NDUFA10: variants seen among roughly 807,000 people sequenced by gnomAD.
NDUFA10 encodes the protein NADH dehydrogenase [ubiquinone] 1 alpha subcomplex subunit 10, mitochondrial.
A neutral mutation model predicts 47.8 loss-of-function variants in NDUFA10; 40 were observed. The ratio of observed to expected loss-of-function variants is 0.84; its 90% CI spans 0.65 to 1.09. The LOEUF (loss-of-function observed/expected upper bound fraction) is 1.09, where lower values mean the gene tolerates loss of function less well. Ranked by LOEUF, NDUFA10 falls within the 50% of genes least tolerant of loss-of-function variation. The pLI, the probability that NDUFA10 is intolerant of heterozygous loss-of-function variation, is 0.00. For synonymous variants in NDUFA10, 183 were observed against 172.2 expected (o/e 1.06, Z -0.49); for missense variants, 413 against 451.1 (o/e 0.92, Z 0.76).
At chr2:240,011,277 C>T (rs1307587086) in intron 6 of NDUFA10, among the ~76,000 whole-genome samples, 5 of 152,178 alleles carry the variant, frequency 3.3e-5, no homozygotes, top group East Asian at 1.9e-4. Flanking sequence ...TAGGTAAACA[C>T]GAATGTTTAG....
At chr2:239,965,951 C>T (rs762970815) in intron 9 of NDUFA10, among the ~76,000 whole-genome samples, 1 of 152,168 alleles carries the variant, frequency 6.6e-6, no homozygotes, top group Non-Finnish European at 1.5e-5. Flanking sequence ...AAGTTTAACA[C>T]TTTCAGGAGG....
At chr2:239,923,845 A>G (rs1694026690) in intron 4 of NDUFA10, among the ~76,000 whole-genome samples, 1 of 152,172 alleles carries the variant, frequency 6.6e-6, no homozygotes, top group Non-Finnish European at 1.5e-5. Flanking sequence ...TAAAATTAAT[A>G]AACCTCTAGC....
Position 240,011,841 on chromosome 2 carries a change from A to G in NDUFA10, c.670-145T>C. On this transcript the variant is annotated intron_variant, in intron 5 of 9. Transcript: ENST00000252711. Reference sequence around the variant, plus strand: ...ACTGTGGGGACTGCGGGGTGACAGCAAAGGGTCCCAACATCAGCTAGAGTC... The same window carrying G: ...ACTGTGGGGACTGCGGGGTGACAGCGAAGGGTCCCAACATCAGCTAGAGTC... The G allele has an allele frequency of 4.2e-6, 3 of 720,880 alleles. No individual in the cohort carries two copies. The Admixed American group carries it at 6.0e-5, about 15-fold the overall frequency. 44.7% of individuals were successfully genotyped at this position (720,880 alleles called of 1,614,324 possible).
At chr2:239,920,049 C>A (rs892163531) in intron 4 of NDUFA10, among the ~76,000 whole-genome samples, 3 of 152,194 alleles carry the variant, frequency 2.0e-5, no homozygotes, top group Non-Finnish European at 2.9e-5. Flanking sequence ...TGCTTCCCCC[C>A]CATTCATATG....
rs142462351 is a variant in NDUFA10, at chr2:239,947,271, G to C, written c.294+42803C>G. On this transcript the variant is annotated intron_variant, in intron 4 of 5. Coordinates refer to the NDUFA10 transcript ENST00000419408. ...TGGGAATACCAAGAAGTCATACCAG[G>C]ACAGCCCTATACCAATGCAGGTGCC... Among the ~76,000 whole-genome samples the C allele has an allele frequency of 9.5e-4, 144 of 152,322 alleles. 1 individual carries two copies. In the South Asian group the frequency reaches 9.7e-3, roughly 10 times the overall value.
intron 4 of NDUFA10, among the ~76,000 whole-genome samples, chr2:239,913,150 A>T (rs556357383): frequency 4.6e-4 from 70 of 152,284 alleles, no homozygotes; most frequent in African/African-American, 1.6e-3. Flanking sequence ...TCCCTGAACC[A>T]TGCCCAGCCT....
At chr2:239,903,487 C>T (rs1255846402) in intron 4 of NDUFA10, among the ~76,000 whole-genome samples, 1 of 152,176 alleles carries the variant, frequency 6.6e-6, no homozygotes, top group Non-Finnish European at 1.5e-5. Context: ...GCTCCTGATG[C>T]TTCTGGAGTG....
chr2:239,940,832 C>T (rs1411770099), intron 4 of NDUFA10, among the ~76,000 whole-genome samples: 1 of 152,196 alleles, frequency 6.6e-6, no homozygotes, highest in African/African-American at 2.4e-5. Context: ...CAGAACATTC[C>T]CGTCTATATG....
At chr2:240,015,842 G>A (rs1697324361) in intron 4 of NDUFA10, among the ~76,000 whole-genome samples, 1 of 152,194 alleles carries the variant, frequency 6.6e-6, no homozygotes, top group Non-Finnish European at 1.5e-5. Flanking sequence ...AGGGTCCACA[G>A]AAAGACAACT....
In NDUFA10 at chr2:239,959,039, T is replaced by C. The variant is rs1574808891; in HGVS notation, c.*2079A>G. The C allele has an allele frequency of 7.1e-6, 7 of 985,482 alleles. No individual in the cohort carries two copies. In the South Asian group the frequency reaches 2.3e-4, roughly 33 times the overall value. 61.0% of individuals were successfully genotyped at this position (985,482 alleles called of 1,614,324 possible). On this transcript the variant is annotated 3_prime_UTR_variant, in exon 10 of 10. Coordinates refer to ENST00000252711, the MANE Select transcript of NDUFA10 (RefSeq NM_004544.4). ...TCTCCTCACCTCTTCTTGAGGCTTC[T>C]ATGTGGAGAGAAGAATTGGACAGTG...
At chr2:239,989,534 C>T (rs1696158593) in intron 9 of NDUFA10, among the ~76,000 whole-genome samples, 1 of 152,262 alleles carries the variant, frequency 6.6e-6, no homozygotes, top group Admixed American at 6.5e-5. Context: ...CCCAGCGAAA[C>T]TTACACACGC....
chr2:239,993,853 G>A (rs528221583), intron 8 of NDUFA10, among the ~76,000 whole-genome samples: 1 of 152,208 alleles, frequency 6.6e-6, no homozygotes, highest in South Asian at 2.1e-4. Context: ...GGTTGACAGA[G>A]GAGTCAAAGG....
chr2:239,992,042 A>G (rs975860560), intron 8 of NDUFA10, among the ~76,000 whole-genome samples: 6 of 152,198 alleles, frequency 3.9e-5, no homozygotes, highest in Non-Finnish European at 8.8e-5. Context: ...TACCCTTTCA[A>G]TTTATTACTA....
chr2:239,948,134 G>A (rs1292072852), intron 4 of NDUFA10, among the ~76,000 whole-genome samples: 1 of 152,208 alleles, frequency 6.6e-6, no homozygotes, highest in Non-Finnish European at 1.5e-5. Flanking sequence ...GTTCAGGATT[G>A]TGTACAATTC....
chr2:239,973,918 A>G (rs931673957), intron 9 of NDUFA10, among the ~76,000 whole-genome samples: 5 of 151,876 alleles, frequency 3.3e-5, no homozygotes, highest in African/African-American at 1.2e-4. Context: ...TGCTTTACTT[A>G]TTTATTTTTA....
At chr2:240,020,138 GCT>G (rs1232714329) in intron 3 of NDUFA10, among the ~76,000 whole-genome samples, 1 of 152,196 alleles carries the variant, frequency 6.6e-6, no homozygotes, top group Non-Finnish European at 1.5e-5. Context: ...ATAGGCAGCG[GCT>G]CCTAGCTCAG....
At chr2:239,976,758 G>A (rs951309806) in intron 9 of NDUFA10, among the ~76,000 whole-genome samples, 4 of 152,158 alleles carry the variant, frequency 2.6e-5, no homozygotes, top group African/African-American at 9.7e-5. Flanking sequence ...AAGGCGAGGC[G>A]ACTCCACCAT....
At chr2:240,024,475 G>T (rs1246869170) in intron 1 of NDUFA10, among the ~76,000 whole-genome samples, 1 of 152,178 alleles carries the variant, frequency 6.6e-6, no homozygotes, top group Non-Finnish European at 1.5e-5. Context: ...GGGTTTAATA[G>T]GTAAAGCAGA....
intron 9 of NDUFA10, among the ~76,000 whole-genome samples, chr2:239,974,767 A>G (rs1009458384): frequency 6.6e-6 from 1 of 151,366 alleles, no homozygotes; most frequent in South Asian, 2.1e-4. Flanking sequence ...ACACTCTGCC[A>G]CCAAAGATCT....
Sources: gnomAD v4.1 joint callset for allele counts (sites outside exome capture counted in the v4.1 genomes callset) on GRCh38, gnomAD v4.1.1 for gene constraint, MANE v1.5 for transcripts, NCBI Gene and HGNC (gene_info 2026-07-23, HGNC 2026-07-21) for gene names.